The following PITPNM2 variants were observed in gnomAD, a reference collection of about 807,000 sequenced individuals.
The protein encoded by PITPNM2 is phosphatidylinositol transfer protein membrane associated 2.
In PITPNM2, 35 loss-of-function variants were observed where a neutral mutation model predicts 132.2. The observed-to-expected ratio is 0.26, with a 90% CI of 0.20 to 0.35. The LOEUF (loss-of-function observed/expected upper bound fraction) is 0.35, where lower values mean the gene tolerates loss of function less well. Ranked by LOEUF, PITPNM2 falls within the 10% of genes least tolerant of loss-of-function variation. The pLI is 1.00. For synonymous variants in PITPNM2, 738 were observed against 799.2 expected (o/e 0.92, Z 1.29); for missense variants, 1,332 against 1,912.0 (o/e 0.70, Z 5.66).
At chr12:123,102,298 C>G (rs1010679814) in intron 2 of PITPNM2, among the ~76,000 whole-genome samples, 1 of 152,230 alleles carries the variant, frequency 6.6e-6, no homozygotes, top group East Asian at 1.9e-4. Flanking sequence ...ACTGTCTCCG[C>G]ATCCTCGTCC....
At position 123,014,589 on chromosome 12, in the gene PITPNM2, G is replaced by A. The variant is rs1451346397; in HGVS notation, c.79-547C>T. On this transcript the variant is annotated intron_variant, in intron 3 of 25. Transcript: ENST00000320201. ...CATGTGGCACATGCCTGTAGCCCCA[G>A]GTACTCAAAGGCTGAAACAGGAGAA... Among the ~76,000 whole-genome samples, 3 of 152,208 alleles carry A rather than the reference G, an allele frequency of 2.0e-5. No individual in the cohort carries two copies. In the East Asian group the frequency reaches 5.8e-4, roughly 29 times the overall value.
intron 3 of PITPNM2, among the ~76,000 whole-genome samples, chr12:123,015,116 C>G (rs59379557): frequency 0.043 from 6,480 of 152,276 alleles, 455 homozygotes; most frequent in African/African-American, 0.15. Context: ...CTGCCCCAAA[C>G]AACCTACAGA....
chr12:123,100,591 A>C (rs1593014729), intron 2 of PITPNM2, among the ~76,000 whole-genome samples: 1 of 151,416 alleles, frequency 6.6e-6, no homozygotes, highest in Non-Finnish European at 1.5e-5. Flanking sequence ...GCACCACTGC[A>C]CTCCAGGCTG....
In PITPNM2 at chr12:122,995,413, T is replaced by C. The variant is rs950258957; in HGVS notation, c.2030A>G (p.Gln677Arg). Residue 677 changes from glutamine (Q) to arginine (R), a missense_variant, in exon 14 of 26, where the codon CAG becomes CGG. This residue lies in a region of PITPNM2 where 710 missense variants were observed against 911.5 expected (regional missense o/e 0.78). Coordinates refer to ENST00000320201, the MANE Select transcript of PITPNM2 (RefSeq NM_020845.3). ...DSSTYELDTI[Q>R]QHQAFLSSLH... ...CCTGGACAGGAAGGCCTGGTGCTGC[T>C]GGATGGTATCCAGCTCGTAGGTGGA... The C allele has an allele frequency of 5.6e-6, 9 of 1,607,290 alleles. No individual in the cohort carries two copies. The highest frequency in any genetic ancestry group is 5.0e-5 in the Admixed American group (3 of 59,762).
intron 8 of PITPNM2, among the ~76,000 whole-genome samples, chr12:123,003,165 ATAAGAAGT>A (rs1033971708): frequency 1.2e-4 from 19 of 152,196 alleles, no homozygotes; most frequent in African/African-American, 3.9e-4. Context: ...GCACAGCTTC[ATAAGAAGT>A]GCTGCTATGA....
At chr12:123,028,010 G>T (rs192736039) in intron 3 of PITPNM2, among the ~76,000 whole-genome samples, 4 of 152,350 alleles carry the variant, frequency 2.6e-5, no homozygotes, top group Admixed American at 2.6e-4. Flanking sequence ...CAGTGCTGCG[G>T]TACTGTTTTC....
chr12:123,063,726 GGAGGGGTCACA>G (rs1168861727), intron 2 of PITPNM2, among the ~76,000 whole-genome samples: 1 of 152,160 alleles, frequency 6.6e-6, no homozygotes, highest in Non-Finnish European at 1.5e-5. Context: ...GACCCCTGGA[GGAGGGGTCACA>G]GCATTGCAGG....
intron 19 of PITPNM2, 26 bp from the exon 20 acceptor site, chr12:122,988,376 G>A: frequency 6.2e-7 from 1 of 1,600,100 alleles, no homozygotes; most frequent in Non-Finnish European, 8.6e-7. Context: ...AGTGCAGGCT[G>A]TGGGGCAGAT....
At chr12:123,025,601 T>C (rs968199630) in intron 3 of PITPNM2, among the ~76,000 whole-genome samples, 2 of 151,890 alleles carry the variant, frequency 1.3e-5, no homozygotes, top group African/African-American at 4.8e-5. Context: ...CCTGGCTAAT[T>C]TTGTATTTTT....
At chr12:123,028,195 A>C (rs1382644638) in intron 3 of PITPNM2, among the ~76,000 whole-genome samples, 2 of 152,108 alleles carry the variant, frequency 1.3e-5, no homozygotes, top group Non-Finnish European at 2.9e-5. Flanking sequence ...TTCGCTGAAC[A>C]CCTCGGACGG....
At chr12:123,046,434 A>C (rs894461310) in intron 2 of PITPNM2, among the ~76,000 whole-genome samples, 2 of 152,154 alleles carry the variant, frequency 1.3e-5, no homozygotes, top group Non-Finnish European at 2.9e-5. Flanking sequence ...CCACTTATTT[A>C]AGTATTTTAT....
intron 2 of PITPNM2, among the ~76,000 whole-genome samples, chr12:123,072,409 G>A (rs551013387): frequency 1.3e-5 from 2 of 152,330 alleles, no homozygotes; most frequent in African/African-American, 4.8e-5. Context: ...GGGACTTGAT[G>A]AGGAAAATTC....
intron 2 of PITPNM2, among the ~76,000 whole-genome samples, chr12:123,080,328 C>T (rs769119406): frequency 6.6e-6 from 1 of 152,194 alleles, no homozygotes; most frequent in Non-Finnish European, 1.5e-5. Context: ...AAGTGATTCT[C>T]CCACCTCAGC....
intron 2 of PITPNM2, among the ~76,000 whole-genome samples, chr12:123,048,623 A>G (rs945444047): frequency 1.3e-5 from 2 of 150,850 alleles, no homozygotes; most frequent in African/African-American, 4.9e-5. Context: ...CTTGTTAGCC[A>G]GGATGGTCTC....
chr12:122,989,067 A>G (rs2038067669), intron 18 of PITPNM2, among the ~76,000 whole-genome samples, 195 bp from the exon 19 acceptor site: 1 of 152,192 alleles, frequency 6.6e-6, no homozygotes. Context: ...GACCCAGGAC[A>G]GTGGTGAGTG....
chr12:122,994,887 T>C lies in PITPNM2; in HGVS notation c.2147A>G (p.Asp716Gly). 1 of 1,612,192 alleles carries C rather than the reference T, an allele frequency of 6.2e-7. No homozygotes were observed. Among genetic ancestry groups the C allele is most frequent in the Non-Finnish European group, 8.5e-7 (1 of 1,179,896 alleles). Residue 716 changes from aspartate (D) to glycine (G), a missense_variant, in exon 15 of 26, where the codon GAC becomes GGC. Coordinates refer to ENST00000320201, the MANE Select transcript of PITPNM2 (RefSeq NM_020845.3). This position sits in a 1 kb window ranked among gnomAD's most constrained non-coding sequence, Gnocchi z 5.4. ...GAGGAAGAGGTCGGTGATCTCAAAG[T>C]CAAACCTGCCCAGGGCACCTGTGCC... ...LDGTGALGRFDFEITDLFLFG... is the reference protein window; with the variant it reads ...LDGTGALGRFGFEITDLFLFG...
chr12:123,104,072 C>T (rs1179877727), intron 2 of PITPNM2, among the ~76,000 whole-genome samples: 2 of 152,158 alleles, frequency 1.3e-5, no homozygotes, highest in Non-Finnish European at 2.9e-5. Flanking sequence ...TACAGGCATG[C>T]ACCACCACAT....
Position 122,989,885 on chromosome 12 carries a change from GC to G in PITPNM2, c.2632del (p.Ala878ProfsTer81). The G allele has an allele frequency of 9.3e-7, 1 of 1,077,356 alleles. No homozygotes were observed. The highest frequency in any genetic ancestry group is 1.2e-6 in the Non-Finnish European group (1 of 807,248). 66.7% of individuals were successfully genotyped at this position (1,077,356 alleles called of 1,614,324 possible). ...VRRLSLLALP[A>X]PSPTTPGPHP... Reference sequence around the variant, plus strand: ...GGGGCCAGGGGTGGTGGGGCTGGGGGCGGGCAGGGCGAGCAGGGACAGACGC... The same window carrying G: ...GGGGCCAGGGGTGGTGGGGCTGGGGGGGGCAGGGCGAGCAGGGACAGACGC... On this transcript the variant is annotated frameshift_variant, in exon 18 of 26. Coordinates refer to ENST00000320201, the MANE Select transcript of PITPNM2 (RefSeq NM_020845.3). LOFTEE classifies it high-confidence loss of function.
intron 2 of PITPNM2, among the ~76,000 whole-genome samples, chr12:123,051,198 G>A (rs1285428682): frequency 6.6e-6 from 1 of 152,238 alleles, no homozygotes; most frequent in Non-Finnish European, 1.5e-5. Flanking sequence ...AAATGACCAA[G>A]GTTGGGGAGG....
Sources: allele counts gnomAD v4.1 joint callset (sites outside exome capture counted in the v4.1 genomes callset), GRCh38; gene constraint gnomAD v4.1.1; regional missense constraint gnomAD v4.1.1; non-coding constraint Gnocchi (gnomAD v3.1); transcripts MANE v1.5; gene names NCBI Gene and HGNC (gene_info 2026-07-23, HGNC 2026-07-21).